The following COL4A4 variants were observed in gnomAD, a reference collection of about 807,000 sequenced individuals.
COL4A4 encodes the protein collagen type IV alpha 4 chain, also known as collagen alpha-4(IV) chain.
COL4A4 carries 105 observed loss-of-function variants against 192.9 expected under a neutral mutation model. The ratio of observed to expected loss-of-function variants is 0.54; its 90% confidence interval spans 0.46 to 0.64. The LOEUF (loss-of-function observed/expected upper bound fraction) is 0.64, where lower values mean the gene tolerates loss of function less well. Among genes scored for constraint, COL4A4 ranks in the 30% least tolerant of loss-of-function variants. The pLI, the probability that COL4A4 is intolerant of heterozygous loss-of-function variation, is 0.00. For missense variants in COL4A4, 1,967 were observed against 2,169.3 expected, an observed-to-expected ratio of 0.91 and a Z score of 1.85; for synonymous variants, 762 against 769.9, an observed-to-expected ratio of 0.99 and a Z score of 0.17.
At chr2:226,988,586 G>C in the COL4A4 span, 1 of 1,380,952 alleles carries the variant, frequency 7.2e-7, no homozygotes, top group Non-Finnish European at 9.4e-7. Context: ...AGAAACATCA[G>C]AAGAGGCCGG....
chr2:227,047,421 C>T lies in COL4A4; in HGVS notation c.3289+54G>A, dbSNP rs1385229771. 4.7e-6 allele frequency: 6 copies of T among 1,278,266 alleles called. No individual in the cohort carries two copies. In the African/African-American group the frequency reaches 8.8e-5, roughly 19 times the overall value. The allele number at this position is 1,278,266 out of a possible 1,614,324, so 79.2% of individuals were successfully genotyped here. ...TTGCCAGCTAGAAGTAATTGTTCTG[C>T]TTTTCAAACTAAACTACTTTTTTTG... On this transcript the variant is annotated intron_variant, in intron 35 of 47. Coordinates refer to ENST00000396625, the MANE Select transcript of COL4A4 (RefSeq NM_000092.5).
intron 33 of COL4A4, 72 bp downstream of exon 33, chr2:227,050,905 T>C (rs1973958357): frequency 3.8e-6 from 6 of 1,580,540 alleles, no homozygotes; most frequent in Non-Finnish European, 4.3e-6. Flanking sequence ...TGGCAAATTA[T>C]AGCTCCTTAC....
At chr2:227,049,846 G>A (rs139358292) in intron 34 of COL4A4, among the ~76,000 whole-genome samples, 222 of 152,330 alleles carry the variant, frequency 1.5e-3, no homozygotes, top group African/African-American at 5.1e-3. Flanking sequence ...AGGAAGACAC[G>A]AAGAGCCTGC....
chr2:227,059,367 C>T, intron 28 of COL4A4, 38 bp downstream of exon 28: 1 of 1,556,142 alleles, frequency 6.4e-7, no homozygotes, highest in Non-Finnish European at 8.9e-7. Context: ...AAAACTGAGC[C>T]AGCTCTATGC....
chr2:227,113,908 C>T (rs76756332), intron 8 of COL4A4, among the ~76,000 whole-genome samples: 2 of 152,128 alleles, frequency 1.3e-5, no homozygotes, highest in Non-Finnish European at 2.9e-5. Context: ...ACATCTTGAA[C>T]ATGGGCTGTA....
At chr2:226,970,567 C>A in the COL4A4 span, among the ~76,000 whole-genome samples, 4 of 152,308 alleles carry the variant, frequency 2.6e-5, no homozygotes, top group African/African-American at 9.6e-5. Context: ...AGGTCCATTT[C>A]TCTTCTCAGG....
intron 43 of COL4A4, among the ~76,000 whole-genome samples, chr2:227,024,843 A>C (rs6740108): frequency 0.47 from 71,509 of 152,130 alleles, 17,042 homozygotes; most frequent in South Asian, 0.55. Flanking sequence ...TCTATTTTCC[A>C]TGAGTAATGT....
At chr2:227,050,402 A>G (rs892809700) in intron 33 of COL4A4, among the ~76,000 whole-genome samples, 1 of 152,234 alleles carries the variant, frequency 6.6e-6, no homozygotes, top group Non-Finnish European at 1.5e-5. Context: ...ACTAATTTGA[A>G]TTTTAAATTA....
At position 227,150,911 on chromosome 2, in the gene COL4A4, T is replaced by TC. The variant is rs1350510668; in HGVS notation, c.-101-3328_-101-3327insG. ...CAAACCATATCAGCCCTCCTTTTTT[T>TC]TTTTTTAACATCTTAAAACTTTCAT... On this transcript the variant is annotated intron_variant, in intron 1 of 47. Coordinates refer to ENST00000396625, the MANE Select transcript of COL4A4 (RefSeq NM_000092.5). Among the ~76,000 whole-genome samples, 9 of 152,198 alleles carry TC rather than the reference T, an allele frequency of 5.9e-5. No homozygotes were observed. The South Asian group carries it at 1.9e-3, about 32-fold the overall frequency.
Position 227,128,197 on chromosome 2 carries a change from T to C in COL4A4, c.193-7049A>G, listed in dbSNP as rs549685408. On this transcript the variant is annotated intron_variant, in intron 4 of 47. Transcript: ENST00000396625. ...AGTCTCTCACCTAAACCTCTCCTCT[T>C]CCCCCTACCTGAGCCTGAGCCTAGC... Among the ~76,000 whole-genome samples the C allele has an allele frequency of 4.6e-5, 7 of 152,150 alleles. No individual in the cohort carries two copies. The South Asian group carries it at 1.5e-3, about 32-fold the overall frequency.
At chr2:227,113,037 C>T (rs1463934491) in intron 8 of COL4A4, among the ~76,000 whole-genome samples, 1 of 152,110 alleles carries the variant, frequency 6.6e-6, no homozygotes, top group Non-Finnish European at 1.5e-5. Flanking sequence ...TACAAATATC[C>T]ATTCAAGTCC....
chr2:226,970,068 C>T, the COL4A4 span, among the ~76,000 whole-genome samples: 2 of 147,718 alleles, frequency 1.4e-5, no homozygotes, highest in East Asian at 4.0e-4. Context: ...CCTCTCCCCC[C>T]GCATTCCTTA....
chr2:227,121,517 G>T (rs1172641068), intron 4 of COL4A4, among the ~76,000 whole-genome samples: 1 of 140,638 alleles, frequency 7.1e-6, no homozygotes, highest in Non-Finnish European at 1.5e-5. Context: ...TGAGCTGATC[G>T]CACCACTGCA....
At chr2:227,100,512 T>C (rs184483389) in intron 17 of COL4A4, among the ~76,000 whole-genome samples, 11 of 152,198 alleles carry the variant, frequency 7.2e-5, no homozygotes, top group Non-Finnish European at 8.8e-5. Context: ...AGCATTTACA[T>C]TGTATTAGAG....
intron 44 of COL4A4, among the ~76,000 whole-genome samples, chr2:227,017,663 G>C (rs924078675): frequency 6.6e-6 from 1 of 152,210 alleles, no homozygotes; most frequent in Non-Finnish European, 1.5e-5. Flanking sequence ...TGGACTAATC[G>C]ACCCACTTCG....
chr2:227,121,561 C>CAAAAAAAAA (rs766680844), intron 4 of COL4A4, among the ~76,000 whole-genome samples: 8 of 58,862 alleles, frequency 1.4e-4, no homozygotes, highest in Admixed American at 1.9e-4. Context: ...GACCCTATCT[C>CAAAAAAAAA]AAAAAAAAAA....
chr2:227,116,367 T>A (rs1176406112), intron 7 of COL4A4, among the ~76,000 whole-genome samples: 1 of 152,164 alleles, frequency 6.6e-6, no homozygotes, highest in Non-Finnish European at 1.5e-5. Flanking sequence ...CCAAAGAACA[T>A]CTCTGGGACT....
intron 37 of COL4A4, among the ~76,000 whole-genome samples, chr2:227,041,787 GGA>G (rs1227184143): frequency 0.013 from 576 of 43,888 alleles, 29 homozygotes; most frequent in East Asian, 0.061. Flanking sequence ...AGGAAGGAAG[GGA>G]AAGAAAGAAA....
chr2:227,161,935 C>CAAAA (rs145896035), intron 1 of COL4A4, among the ~76,000 whole-genome samples: 3 of 130,282 alleles, frequency 2.3e-5, no homozygotes, highest in African/African-American at 8.5e-5. Context: ...TTCCTTTGTA[C>CAAAA]AAAAAAAAAA....
Sources: gnomAD v4.1 joint callset for allele counts (sites outside exome capture counted in the v4.1 genomes callset) on GRCh38, gnomAD v4.1.1 for gene constraint, MANE v1.5 for transcripts, NCBI Gene and HGNC (gene_info 2026-07-23, HGNC 2026-07-21) for gene names.